Variants in PTPN9 observed in about 807,000 individuals in gnomAD.
PTPN9 encodes protein tyrosine phosphatase non-receptor type 9.
PTPN9 carries 26 observed loss-of-function variants against 69.8 expected under a neutral mutation model. The ratio of observed to expected loss-of-function variants is 0.37; its 90% CI spans 0.27 to 0.52. The LOEUF (loss-of-function observed/expected upper bound fraction) is 0.52, where lower values mean the gene tolerates loss of function less well. Among genes scored for constraint, PTPN9 ranks in the 20% least tolerant of loss-of-function variants. The pLI, the probability that PTPN9 is intolerant of heterozygous loss-of-function variation, is 0.91. For missense variants in PTPN9, 549 were observed against 740.3 expected (o/e 0.74, Z 3.00); for synonymous variants, 274 against 272.5 (o/e 1.01, Z -0.05).
chr15:75,503,438 G>A lies in PTPN9; in HGVS notation c.968+2237C>T, dbSNP rs1191659224. Among the ~76,000 whole-genome samples, 4 of 143,024 alleles carry A rather than the reference G, an allele frequency of 2.8e-5. No individual in the cohort carries two copies. In the East Asian group the frequency reaches 6.3e-4, roughly 23 times the overall value. 93.8% of individuals were successfully genotyped at this position (143,024 alleles called of 152,430 possible). A position where few individuals can be genotyped will look rare whatever the true frequency, so the allele number is the denominator to read the frequency against. On this transcript the variant is annotated intron_variant, in intron 7 of 12. Transcript: ENST00000618819. ...TGAGAAGTGAGGAGCCCCTCCGCCC[G>A]GCAGCCGCCCCGTCTGAGAAGTGAG...
chr15:75,463,960 C>G lies in PTPN9; in HGVS notation c.*4809G>C, dbSNP rs1268257124. 1.3e-5 allele frequency: 2 copies of G among 152,202 alleles called. No homozygotes were observed. The highest frequency in any genetic ancestry group is 4.8e-5 in the African/African-American group (2 of 41,442). The allele number at this position is 152,202 out of a possible 1,614,324, so 9.4% of individuals were successfully genotyped here. On this transcript the variant is annotated 3_prime_UTR_variant, in exon 13 of 13. Coordinates refer to ENST00000618819, the MANE Select transcript of PTPN9 (RefSeq NM_002833.4). Reference sequence around the variant, plus strand: ...GGAGCTATAGGACCCTTGGTCTGTTCATGCTTTGCCTCTGAGAAACCCTGT... The same window carrying G: ...GGAGCTATAGGACCCTTGGTCTGTTGATGCTTTGCCTCTGAGAAACCCTGT...
intron 1 of PTPN9, among the ~76,000 whole-genome samples, chr15:75,556,217 C>T (rs998743608): frequency 6.6e-6 from 1 of 151,224 alleles, no homozygotes; most frequent in African/African-American, 2.4e-5. Context: ...GCGCCCACCA[C>T]CACGCTTGGC....
chr15:75,531,099 G>C (rs1245791685), intron 1 of PTPN9, among the ~76,000 whole-genome samples: 2 of 150,932 alleles, frequency 1.3e-5, no homozygotes, highest in Non-Finnish European at 2.9e-5. Flanking sequence ...AGGAGAGTCA[G>C]CAATACCTCA....
intron 7 of PTPN9, among the ~76,000 whole-genome samples, chr15:75,499,200 C>T (rs1285211618): frequency 6.6e-6 from 1 of 152,016 alleles, no homozygotes; most frequent in Non-Finnish European, 1.5e-5. Flanking sequence ...ACAGTTTGTT[C>T]TTTGTAAGTA....
chr15:75,564,188 C>A (rs764560274), intron 1 of PTPN9, among the ~76,000 whole-genome samples: 1 of 151,490 alleles, frequency 6.6e-6, no homozygotes, highest in Non-Finnish European at 1.5e-5. Flanking sequence ...TGGGCTCAAT[C>A]GATCCTCCTG....
chr15:75,463,704 A>G lies in PTPN9; in HGVS notation c.*5065T>C, dbSNP rs914601329. The G allele has an allele frequency of 6.6e-6, 1 of 152,210 alleles. No homozygotes were observed. Among genetic ancestry groups the G allele is most frequent in the African/African-American group, 2.4e-5 (1 of 41,456 alleles). 9.4% of individuals were successfully genotyped at this position (152,210 alleles called of 1,614,324 possible). On this transcript the variant is annotated 3_prime_UTR_variant, in exon 13 of 13. Transcript: ENST00000618819. Reference sequence around the variant, plus strand: ...GAAAACATCTCCAAGTAAAAGTGATATATTTCTATTTGTGGAGAAGATCCT... The same window carrying G: ...GAAAACATCTCCAAGTAAAAGTGATGTATTTCTATTTGTGGAGAAGATCCT...
intron 1 of PTPN9, among the ~76,000 whole-genome samples, chr15:75,541,690 G>T (rs971710717): frequency 6.6e-6 from 1 of 151,966 alleles, no homozygotes. Context: ...ACAGGCGTGA[G>T]CCACTGCACC....
In PTPN9 at chr15:75,505,928, C is replaced by G; in HGVS notation, c.715G>C (p.Val239Leu). The change falls in exon 7 of 13, where the codon GTC becomes CTC. Residue 239 changes from valine to leucine, a missense_variant. This residue lies in a region of PTPN9 where 457 missense variants were observed against 661.9 expected (regional missense o/e 0.69). Coordinates refer to ENST00000618819, the MANE Select transcript of PTPN9 (RefSeq NM_002833.4). ...TTCCAAGTGGCGAGATCAATTTTGA[C>G]GTACCCACCCAGGTTTTCTGGAAGA... is the stretch of plus-strand genomic sequence containing the variant. ...ECLPENLGGY[V>L]KIDLATWNFQ... is the part of the protein sequence containing the mutation. 2 of 1,613,960 alleles carry G rather than the reference C, an allele frequency of 1.2e-6. No homozygotes were observed. The highest frequency in any genetic ancestry group is 8.5e-7 in the Non-Finnish European group (1 of 1,179,908).
At chr15:75,536,871 T>G (rs2074984382) in intron 1 of PTPN9, among the ~76,000 whole-genome samples, 1 of 152,182 alleles carries the variant, frequency 6.6e-6, no homozygotes. Flanking sequence ...GTAAGTTCCC[T>G]GAAGACAGGG....
chr15:75,556,174 C>G (rs2075076287), intron 1 of PTPN9, among the ~76,000 whole-genome samples: 1 of 150,914 alleles, frequency 6.6e-6, no homozygotes, highest in Non-Finnish European at 1.5e-5. Context: ...AAGCAATTCT[C>G]TGCCTCAGCC....
At chr15:75,530,885 T>TTACGATA (rs2074961074) in intron 1 of PTPN9, among the ~76,000 whole-genome samples, 1 of 114,970 alleles carries the variant, frequency 8.7e-6, no homozygotes, top group Non-Finnish European at 1.7e-5. Context: ...ATATTATATA[T>TTACGATA]TATTATATAT....
chr15:75,539,148 C>T (rs904219716), intron 1 of PTPN9, among the ~76,000 whole-genome samples: 1 of 152,092 alleles, frequency 6.6e-6, no homozygotes, highest in Non-Finnish European at 1.5e-5. Context: ...GGTGTTTCAC[C>T]ATTTTGGCCA....
intron 7 of PTPN9, among the ~76,000 whole-genome samples, chr15:75,491,163 G>T (rs1298504655): frequency 6.6e-6 from 1 of 152,004 alleles, no homozygotes; most frequent in Admixed American, 6.6e-5. Context: ...AGCACTTTGG[G>T]AGGCCAAGGC....
intron 1 of PTPN9, among the ~76,000 whole-genome samples, chr15:75,558,362 C>G (rs1057114632): frequency 2.0e-5 from 3 of 151,994 alleles, no homozygotes; most frequent in Non-Finnish European, 2.9e-5. Context: ...CAAAAATTAG[C>G]TGGGCGTGGT....
At chr15:75,553,643 C>T (rs1158698510) in intron 1 of PTPN9, among the ~76,000 whole-genome samples, 2 of 152,128 alleles carry the variant, frequency 1.3e-5, no homozygotes, top group African/African-American at 2.4e-5. Context: ...TGCCCCAGTT[C>T]CAAAGCCCCA....
Position 75,509,033 on chromosome 15 carries a change from G to T in PTPN9, c.529-6C>A, listed in dbSNP as rs1449093772. 1.2e-6 allele frequency: 2 copies of T among 1,610,480 alleles called. No homozygotes were observed. The highest frequency in any genetic ancestry group is 2.2e-5 in the South Asian group (2 of 90,920). On this transcript the variant is annotated splice_polypyrimidine_tract_variant and splice_region_variant and intron_variant, in intron 5 of 12. Transcript: ENST00000618819. ...AAACGAGCTGGAAATGCTCCCTGTG[G>T]AGAAAACACATGAGGATTTAAGTGT...
At chr15:75,478,150 T>C (rs1178871116) in intron 9 of PTPN9, among the ~76,000 whole-genome samples, 1 of 151,022 alleles carries the variant, frequency 6.6e-6, no homozygotes, top group Admixed American at 6.6e-5. Flanking sequence ...ATCCTCTTTT[T>C]TTTTTTCTTT....
At chr15:75,557,010 T>C (rs1473587448) in intron 1 of PTPN9, among the ~76,000 whole-genome samples, 1 of 152,234 alleles carries the variant, frequency 6.6e-6, no homozygotes, top group Non-Finnish European at 1.5e-5. Flanking sequence ...TCATGGTATA[T>C]AGCATATATC....
chr15:75,525,032 G>T (rs1040356222), intron 2 of PTPN9, among the ~76,000 whole-genome samples: 11 of 151,794 alleles, frequency 7.2e-5, no homozygotes, highest in African/African-American at 2.7e-4. Flanking sequence ...CACTGACATG[G>T]TACCAGGACA....
Sources: allele counts gnomAD v4.1 joint callset (sites outside exome capture counted in the v4.1 genomes callset), GRCh38; gene constraint gnomAD v4.1.1; regional missense constraint gnomAD v4.1.1; transcripts MANE v1.5; gene names NCBI Gene and HGNC (gene_info 2026-07-23, HGNC 2026-07-21).